The following AQP10 variants were observed in gnomAD, a reference collection of about 807,000 sequenced individuals.
The protein encoded by AQP10 is aquaporin-10.
In AQP10, 15 loss-of-function variants were observed where a neutral mutation model predicts 21.0. The observed-to-expected ratio is 0.71, with a 90% CI of 0.48 to 1.10. The LOEUF is 1.10. Among genes scored for constraint, AQP10 ranks in the 50% least tolerant of loss-of-function variants. The pLI, the probability that AQP10 is intolerant of heterozygous loss-of-function variation, is 0.00. For missense variants in AQP10, 268 were observed against 379.5 expected, an observed-to-expected ratio of 0.71 and a Z score of 2.44; for synonymous variants, 143 against 155.7, an observed-to-expected ratio of 0.92 and a Z score of 0.61.
At chr1:154,322,207 C>T (rs2149152643) in intron 2 of AQP10, 148 bp downstream of exon 2, 7 of 1,267,170 alleles carry the variant, frequency 5.5e-6, no homozygotes, top group East Asian at 2.7e-5. Flanking sequence ...CCTTTGGCCC[C>T]ACCAGCCCCT....
In AQP10 at chr1:154,323,603, G is replaced by A; in HGVS notation, c.504G>A (p.Gly168=). ...NGFLDQVLGT[G]MLIVGLLAIL... ...TTGACTCCAAGGTTCTGGGCACTGGGATGCTGATTGTGGGGCTCTTGGCCA... is the reference window on the plus strand; with the variant it reads ...TTGACTCCAAGGTTCTGGGCACTGGAATGCTGATTGTGGGGCTCTTGGCCA... The change falls in exon 5 of 6, where the codon GGG becomes GGA. Residue 168 remains glycine (G), a synonymous_variant. Transcript: ENST00000324978. The surrounding 1 kb of genome is among the most constrained non-coding windows in gnomAD (Gnocchi z 4.5). The A allele has an allele frequency of 6.2e-7, 1 of 1,613,836 alleles. No individual in the cohort carries two copies. Among genetic ancestry groups the A allele is most frequent in the East Asian group, 2.2e-5 (1 of 44,882 alleles).
chr1:154,324,349 A>G lies in AQP10; in HGVS notation c.775A>G (p.Thr259Ala), dbSNP rs1391863672. ...PLVGATVGTATYQLLVALHHP... is the reference protein window; with the variant it reads ...PLVGATVGTAAYQLLVALHHP... ...GGTGGGGGCCACCGTTGGCACAGCC[A>G]CTTACCAGCTGTTGGTGGCTCTGCA... The change falls in exon 6 of 6, where the codon ACT (threonine) becomes GCT (alanine). Residue 259 changes from threonine to alanine, a missense_variant. Around this residue, in one of 3 missense-constraint regions of AQP10, gnomAD observed 229 missense variants for 295.1 expected, o/e 0.78. Transcript: ENST00000324978. 6.2e-7 allele frequency: 1 copy of G among 1,608,266 alleles called. No individual in the cohort carries two copies. The highest frequency in any genetic ancestry group is 8.5e-7 in the Non-Finnish European group (1 of 1,178,004).
rs369480572 is a variant in AQP10, at chr1:154,325,126, G to A, written c.*646G>A. The A allele has an allele frequency of 4.6e-5, 7 of 152,366 alleles. No homozygotes were observed. The South Asian group carries it at 1.4e-3, about 31-fold the overall frequency. 9.4% of individuals were successfully genotyped at this position (152,366 alleles called of 1,614,324 possible). ...ATACAGTGAAATGAGCCAGGGCGAG[G>A]AGGGAGGGTGAAGGAACGGAGGGCG... On this transcript the variant is annotated 3_prime_UTR_variant, in exon 6 of 6. Coordinates refer to ENST00000324978, the MANE Select transcript of AQP10 (RefSeq NM_080429.3).
chr1:154,322,875 A>C, intron 2 of AQP10, 107 bp from the exon 3 acceptor site: 1 of 1,395,182 alleles, frequency 7.2e-7, no homozygotes, highest in Non-Finnish European at 9.9e-7. Context: ...GATGAGAATT[A>C]CACTATCTGC....
rs1302359449 is a variant in AQP10, at chr1:154,322,832, T to C, written c.233-150T>C. 3.9e-6 allele frequency: 4 copies of C among 1,018,074 alleles called. No individual in the cohort carries two copies. The African/African-American group carries it at 4.8e-5, about 12-fold the overall frequency. The allele number at this position is 1,018,074 out of a possible 1,614,324, so 63.1% of individuals were successfully genotyped here. On this transcript the variant is annotated intron_variant, in intron 2 of 5. Coordinates refer to ENST00000324978, the MANE Select transcript of AQP10 (RefSeq NM_080429.3). ...ACTTTGCTAAGTCACTTAACATCTG[T>C]AACATCTGGAGCCTCAATTTCCTAA...
At chr1:154,322,656 G>A (rs560965786) in intron 2 of AQP10, among the ~76,000 whole-genome samples, 1 of 151,844 alleles carries the variant, frequency 6.6e-6, no homozygotes, top group East Asian at 1.9e-4. Context: ...CTGCTACCAC[G>A]CCTGGCTAAT....
At chr1:154,324,056 CA>C in intron 5 of AQP10, 1 of 1,337,924 alleles carries the variant, frequency 7.5e-7, no homozygotes, top group Non-Finnish European at 9.9e-7. Context: ...ACTTCATCAG[CA>C]AAATTAATAT....
Position 154,323,702 on chromosome 1 carries a change from C to G in AQP10, c.603C>G (p.Leu201=). The G allele has an allele frequency of 6.2e-7, 1 of 1,614,186 alleles. No individual in the cohort carries two copies. Among genetic ancestry groups the G allele is most frequent in the Non-Finnish European group, 8.5e-7 (1 of 1,180,034 alleles). ...TGGTGGGGATGCTGATCCTGGCCCT[C>G]GGGTTATCCATGGGTGCCAACTGCG... ...PVVVGMLILA[L]GLSMGANCGI... The change falls in exon 5 of 6, where the codon CTC becomes CTG. Residue 201 remains leucine, a synonymous_variant. Transcript: ENST00000324978. The surrounding 1 kb of genome is among the most constrained non-coding windows in gnomAD (Gnocchi z 4.5).
At chr1:154,321,559 T>C (rs933914676) in intron 1 of AQP10, among the ~76,000 whole-genome samples, 8 of 152,230 alleles carry the variant, frequency 5.3e-5, no homozygotes, top group African/African-American at 1.9e-4. Flanking sequence ...ATGTGCTTTA[T>C]TATACTTGGC....
At chr1:154,321,449 T>A (rs6686621) in intron 1 of AQP10, among the ~76,000 whole-genome samples, 189 bp downstream of exon 1, 21,633 of 152,200 alleles carry the variant, frequency 0.14, 1,571 homozygotes, top group Non-Finnish European at 0.14. Context: ...TTGTCATTTT[T>A]ATTCTTTCTT....
intron 5 of AQP10, 88 bp from the exon 6 acceptor site, chr1:154,324,194 G>A (rs1685710680): frequency 7.7e-7 from 1 of 1,305,318 alleles, no homozygotes; most frequent in African/African-American, 1.5e-5. Context: ...CAACTTTAGG[G>A]CACTCTCTTG....
chr1:154,325,280 T>C lies in AQP10; in HGVS notation c.*800T>C, dbSNP rs1412830651. 6.6e-6 allele frequency: 1 copy of C among 152,150 alleles called. No individual in the cohort carries two copies. The highest frequency in any genetic ancestry group is 6.5e-5 in the Admixed American group (1 of 15,276). The allele number at this position is 152,150 out of a possible 1,614,324, so 9.4% of individuals were successfully genotyped here. A position where few individuals can be genotyped will look rare whatever the true frequency, so the allele number is the denominator to read the frequency against. On this transcript the variant is annotated 3_prime_UTR_variant, in exon 6 of 6. Transcript: ENST00000324978. The stretch of plus-strand genomic sequence containing the variant: ...TGCTCGTTTTGCAGAGAAGGCAGTG[T>C]TCCTCTATTCCCTTCTTCCGAATTA...
In AQP10 at chr1:154,321,227, C is replaced by G; in HGVS notation, c.72C>G (p.Cys24Trp). Reference protein sequence around the residue: ...LRIRSLLARQCLAEFLGVFVL... With the variant: ...LRIRSLLARQWLAEFLGVFVL... ...TACGCAGCCTCCTGGCCCGGCAGTG[C>G]CTGGCAGAGTTTCTGGGTGTGTTTG... Residue 24 changes from cysteine (C) to tryptophan (W), a missense_variant, in exon 1 of 6, where the codon TGC becomes TGG. Physicochemically the swap from Cys to Trp is radical, Grantham distance 215. Transcript: ENST00000324978. 6.2e-7 allele frequency: 1 copy of G among 1,613,680 alleles called. No individual in the cohort carries two copies. Among genetic ancestry groups the G allele is most frequent in the Admixed American group, 1.7e-5 (1 of 59,972 alleles).
At chr1:154,322,570 G>A (rs1685669826) in intron 2 of AQP10, among the ~76,000 whole-genome samples, 1 of 142,492 alleles carries the variant, frequency 7.0e-6, no homozygotes, top group African/African-American at 2.6e-5. Context: ...TGTGATGTCT[G>A]TTCACTGCAA....
intron 1 of AQP10, 149 bp from the exon 2 acceptor site, chr1:154,321,784 T>C (rs1194606): frequency 0.23 from 217,985 of 960,044 alleles, 24,972 homozygotes; most frequent in African/African-American, 0.52. Flanking sequence ...CTTTCCCCAT[T>C]TCTTTTCCCT....
At position 154,324,571 on chromosome 1, in the gene AQP10, C is replaced by A; in HGVS notation, c.*91C>A. 1 of 1,349,548 alleles carries A rather than the reference C, an allele frequency of 7.4e-7. No homozygotes were observed. The highest frequency in any genetic ancestry group is 1.0e-6 in the Non-Finnish European group (1 of 982,200). The allele number at this position is 1,349,548 out of a possible 1,614,324, so 83.6% of individuals were successfully genotyped here. ...GTCATTCTTCCTCTTTGTTAATGTG[C>A]CAGAACCTGGGAGGCTTCTCTGTTT... On this transcript the variant is annotated 3_prime_UTR_variant, in exon 6 of 6. Transcript: ENST00000324978.
At position 154,324,341 on chromosome 1, in the gene AQP10, GC is replaced by G. The variant is rs781414454; in HGVS notation, c.768del (p.Thr257GlnfsTer47). Reference protein sequence around the residue: ...VVAPLVGATVGTATYQLLVAL... With the variant: ...VVAPLVGATVXTATYQLLVAL... ...GCCCCTCTGGTGGGGGCCACCGTTGGCACAGCCACTTACCAGCTGTTGGTGG... is the reference window on the plus strand; with the variant it reads ...GCCCCTCTGGTGGGGGCCACCGTTGGACAGCCACTTACCAGCTGTTGGTGG... On this transcript the variant is annotated frameshift_variant, in exon 6 of 6. Coordinates refer to ENST00000324978, the MANE Select transcript of AQP10 (RefSeq NM_080429.3). LOFTEE classifies it low-confidence loss of function (END_TRUNC). The G allele has an allele frequency of 1.9e-6, 3 of 1,604,142 alleles. No individual in the cohort carries two copies. The Admixed American group carries it at 5.2e-5, about 28-fold the overall frequency.
Position 154,322,885 on chromosome 1 carries a change from C to T in AQP10, c.233-97C>T, listed in dbSNP as rs550372355. 2.5e-5 allele frequency: 36 copies of T among 1,454,104 alleles called. No homozygotes were observed. In the African/African-American group the frequency reaches 3.4e-4, roughly 14 times the overall value. The allele number at this position is 1,454,104 out of a possible 1,614,324, so 90.1% of individuals were successfully genotyped here. On this transcript the variant is annotated intron_variant, in intron 2 of 5. Transcript: ENST00000324978. ...TGTGTGATGAGAATTACACTATCTGCCTTAAGAGCTATAGGAAGGAGCAGT... is the reference window on the plus strand; with the variant it reads ...TGTGTGATGAGAATTACACTATCTGTCTTAAGAGCTATAGGAAGGAGCAGT...
rs760972452 is a variant in AQP10 at position 154,324,337 on chromosome 1, G to A, written c.763G>A (p.Val255Ile). ...GGTGGCCCCTCTGGTGGGGGCCACC[G>A]TTGGCACAGCCACTTACCAGCTGTT... is the stretch of plus-strand genomic sequence containing the variant. ...PVVAPLVGAT[V>I]GTATYQLLVA... is the part of the protein sequence containing the mutation. The change falls in exon 6 of 6, where the codon GTT (valine) becomes ATT (isoleucine). Residue 255 changes from valine (V) to isoleucine (I), a missense_variant. By Grantham distance (29) the Val-to-Ile change is conservative. This residue lies in a region of AQP10 where 229 missense variants were observed against 295.1 expected (regional missense o/e 0.78). Coordinates refer to ENST00000324978, the MANE Select transcript of AQP10 (RefSeq NM_080429.3). 5.0e-6 allele frequency: 8 copies of A among 1,601,012 alleles called. No homozygotes were observed. Among genetic ancestry groups the A allele is most frequent in the South Asian group, 2.2e-5 (2 of 89,502 alleles).
Sources: gnomAD v4.1 joint callset for allele counts (sites outside exome capture counted in the v4.1 genomes callset) on GRCh38, gnomAD v4.1.1 for gene constraint, gnomAD v4.1.1 regional missense constraint, Gnocchi (gnomAD v3.1) non-coding constraint, MANE v1.5 for transcripts, NCBI Gene and HGNC (gene_info 2026-07-23, HGNC 2026-07-21) for gene names.